The following FAM53B variants were observed in gnomAD, a reference collection of about 807,000 sequenced individuals.
FAM53B encodes the protein protein FAM53B.
FAM53B carries 12 observed loss-of-function variants against 32.7 expected under a neutral mutation model. The ratio of observed to expected loss-of-function variants is 0.37; its 90% confidence interval spans 0.24 to 0.59. FAM53B has a LOEUF of 0.59. Ranked by LOEUF, FAM53B falls within the 20% of genes least tolerant of loss-of-function variation. FAM53B has a pLI of 0.72. For synonymous variants in FAM53B, 234 were observed against 228.7 expected (o/e 1.02, Z -0.21); for missense variants, 477 against 577.7 (o/e 0.83, Z 1.79).
intron 3 of FAM53B, among the ~76,000 whole-genome samples, chr10:124,694,613 G>A (rs762735410): frequency 7.9e-5 from 12 of 152,230 alleles, no homozygotes; most frequent in East Asian, 1.9e-4. Context: ...TGGGCATGCC[G>A]GGGCCTCTCT....
rs1212256564 is a variant in FAM53B at position 124,733,418 on chromosome 10, T to C, written c.-175+10595A>G. On this transcript the variant is annotated intron_variant, in intron 1 of 4. Transcript: ENST00000337318. The surrounding 1 kb of genome is among the most constrained non-coding windows in gnomAD (Gnocchi z 4.3). The stretch of plus-strand genomic sequence containing the variant: ...AGTGTCTGTGTCAGCAGCTTCCCCC[T>C]GCCTTTGAGAACACTAGTGAGAACA... Among the ~76,000 whole-genome samples the C allele has an allele frequency of 1.3e-5, 2 of 152,068 alleles. No individual in the cohort carries two copies. Among genetic ancestry groups the C allele is most frequent in the Non-Finnish European group, 2.9e-5 (2 of 68,010 alleles).
chr10:124,712,124 G>A (rs1186501830), intron 1 of FAM53B, among the ~76,000 whole-genome samples: 1 of 152,064 alleles, frequency 6.6e-6, no homozygotes, highest in Non-Finnish European at 1.5e-5. Flanking sequence ...GGAGACTGAC[G>A]TCAGTGGATC....
At chr10:124,623,655 C>A in intron 4 of FAM53B, 51 bp from the exon 5 acceptor site, 1 of 1,547,182 alleles carries the variant, frequency 6.5e-7, no homozygotes, top group Non-Finnish European at 8.7e-7. Context: ...CCTCCCGCAG[C>A]CCCAGGACTG....
chr10:124,631,314 G>C (rs1041299157), intron 4 of FAM53B, among the ~76,000 whole-genome samples: 1 of 152,212 alleles, frequency 6.6e-6, no homozygotes, highest in South Asian at 2.1e-4. Context: ...GGCTGAAGGA[G>C]TGGGGGAAGG....
At chr10:124,674,163 G>C (rs1001139322) in intron 4 of FAM53B, among the ~76,000 whole-genome samples, 1 of 152,186 alleles carries the variant, frequency 6.6e-6, no homozygotes, top group African/African-American at 2.4e-5. Context: ...ACTCAGCTGC[G>C]CCCTCAGGTG....
At chr10:124,702,452 G>A (rs549916192) in intron 2 of FAM53B, among the ~76,000 whole-genome samples, 10 of 152,306 alleles carry the variant, frequency 6.6e-5, no homozygotes, top group Middle Eastern at 3.4e-3. Context: ...ACTAGACTAA[G>A]ATTATTTTCA....
chr10:124,659,807 CTTTTG>C (rs1044070972), intron 4 of FAM53B, among the ~76,000 whole-genome samples: 8 of 152,238 alleles, frequency 5.3e-5, no homozygotes, highest in East Asian at 1.9e-4. Flanking sequence ...GTCAACTTTG[CTTTTG>C]TTTTGTTTTT....
chr10:124,634,039 A>C (rs1263894721), intron 4 of FAM53B, among the ~76,000 whole-genome samples: 1 of 152,262 alleles, frequency 6.6e-6, no homozygotes, highest in Non-Finnish European at 1.5e-5. Flanking sequence ...CAGAGTTACC[A>C]TCAGACCCAG....
At chr10:124,638,152 G>A (rs1393939943) in intron 4 of FAM53B, among the ~76,000 whole-genome samples, 8 of 152,154 alleles carry the variant, frequency 5.3e-5, no homozygotes, top group African/African-American at 1.9e-4. Flanking sequence ...GGCGGATCAC[G>A]AGGTCAGGAG....
At chr10:124,735,498 CT>C (rs1179085693) in intron 1 of FAM53B, among the ~76,000 whole-genome samples, 1 of 152,238 alleles carries the variant, frequency 6.6e-6, no homozygotes, top group Non-Finnish European at 1.5e-5. Context: ...CCTACGCTAT[CT>C]GAGAGAGGAA....
Position 124,696,761 on chromosome 10 carries a change from G to A in FAM53B, c.79-549C>T, listed in dbSNP as rs547234983. 5.9e-5 allele frequency among the ~76,000 whole-genome samples: 9 copies of A among 152,276 alleles called. No homozygotes were observed. The South Asian group carries it at 1.2e-3, about 21-fold the overall frequency. ...CTGCAGACTGTTTTGTGGCTACATC[G>A]AGTCCCCTTGAGGCATTTTCTCTGA... On this transcript the variant is annotated intron_variant, in intron 2 of 4. Coordinates refer to ENST00000337318, the MANE Select transcript of FAM53B (RefSeq NM_014661.4).
chr10:124,700,856 G>A (rs780619660), intron 2 of FAM53B, among the ~76,000 whole-genome samples: 128 of 152,328 alleles, frequency 8.4e-4, no homozygotes, highest in African/African-American at 2.9e-3. Context: ...GGAGGCTCGC[G>A]CTCATGCCCT....
At chr10:124,647,318 A>C (rs1254584124) in intron 4 of FAM53B, among the ~76,000 whole-genome samples, 2 of 152,182 alleles carry the variant, frequency 1.3e-5, no homozygotes, top group Non-Finnish European at 2.9e-5. Flanking sequence ...CCTGTCTCTG[A>C]GGAGCGGCCC....
chr10:124,713,210 T>C (rs1950016668), intron 1 of FAM53B, among the ~76,000 whole-genome samples: 1 of 152,200 alleles, frequency 6.6e-6, no homozygotes, highest in Non-Finnish European at 1.5e-5. Flanking sequence ...ACAGGCATTA[T>C]GGTTGGTAGT....
At chr10:124,635,924 A>G (rs1949427959) in intron 4 of FAM53B, among the ~76,000 whole-genome samples, 1 of 152,246 alleles carries the variant, frequency 6.6e-6, no homozygotes, top group Non-Finnish European at 1.5e-5. Flanking sequence ...CTCCTCTGTT[A>G]TAATAAGAAT....
At chr10:124,642,058 T>G (rs1463154574) in intron 4 of FAM53B, among the ~76,000 whole-genome samples, 1 of 152,310 alleles carries the variant, frequency 6.6e-6, no homozygotes, top group African/African-American at 2.4e-5. Flanking sequence ...TGTGCATACA[T>G]GCCCACCCTG....
intron 4 of FAM53B, among the ~76,000 whole-genome samples, chr10:124,633,826 T>G (rs1178811679): frequency 6.6e-6 from 1 of 151,810 alleles, no homozygotes; most frequent in Admixed American, 6.6e-5. Context: ...ATCAAAGTAC[T>G]AGAAGAAAAC....
intron 3 of FAM53B, 62 bp downstream of exon 3, chr10:124,696,096 G>A (rs756136305): frequency 7.4e-7 from 1 of 1,350,978 alleles, no homozygotes; most frequent in South Asian, 1.2e-5. Context: ...CTCACCTGGA[G>A]GACTCAGACC....
At chr10:124,740,765 G>A (rs1181549453) in intron 1 of FAM53B, among the ~76,000 whole-genome samples, 4 of 152,180 alleles carry the variant, frequency 2.6e-5, no homozygotes, top group Admixed American at 6.5e-5. Flanking sequence ...GGAGTTGAGG[G>A]AGAACAATCA....
Sources: gnomAD v4.1 joint callset for allele counts (sites outside exome capture counted in the v4.1 genomes callset) on GRCh38, gnomAD v4.1.1 for gene constraint, Gnocchi (gnomAD v3.1) non-coding constraint, MANE v1.5 for transcripts, NCBI Gene and HGNC (gene_info 2026-07-23, HGNC 2026-07-21) for gene names.